Variants in CLMN observed in about 807,000 individuals in gnomAD.
CLMN encodes the protein calmin (calponin-like, transmembrane).
A neutral mutation model predicts 92.7 loss-of-function variants in CLMN; 57 were observed. That is an observed-to-expected ratio of 0.61 (90% CI 0.50 to 0.77). The LOEUF (loss-of-function observed/expected upper bound fraction) is 0.77. CLMN is among the 30% of genes least tolerant of loss of function. The pLI is 0.00. For missense variants in CLMN, 1,158 were observed against 1,237.5 expected, an observed-to-expected ratio of 0.94 and a Z score of 0.96; for synonymous variants, 466 against 470.6, an observed-to-expected ratio of 0.99 and a Z score of 0.13.
Position 95,196,603 on chromosome 14 carries a change from CTT to C in CLMN, c.2601_2602del (p.Arg868GlufsTer22). The C allele has an allele frequency of 6.2e-7, 1 of 1,614,138 alleles. No homozygotes were observed. Among genetic ancestry groups the C allele is most frequent in the Non-Finnish European group, 8.5e-7 (1 of 1,180,008 alleles). On this transcript the variant is annotated frameshift_variant, in exon 10 of 13. Coordinates refer to ENST00000298912, the MANE Select transcript of CLMN (RefSeq NM_024734.4). LOFTEE classifies it high-confidence loss of function. ...ACTTTCTACGTGGTCCACATGTTTC[CTT>C]TTTTCCTTTTTTTTACTACTGATTG...
intron 1 of CLMN, among the ~76,000 whole-genome samples, chr14:95,285,869 C>G (rs1246923483): frequency 6.6e-6 from 1 of 152,146 alleles, no homozygotes; most frequent in Non-Finnish European, 1.5e-5. Context: ...TCAACCACGG[C>G]ACTCTTTCCC....
chr14:95,192,009 T>C (rs867999353), intron 12 of CLMN: 17 of 315,110 alleles, frequency 5.4e-5, no homozygotes, highest in Middle Eastern at 8.8e-4. Context: ...ATGGACACAC[T>C]GAGGCTTTCG....
Position 95,203,077 on chromosome 14 carries a change from C to A in CLMN, c.2272G>T (p.Glu758Ter). 6.2e-7 allele frequency: 1 copy of A among 1,614,038 alleles called. No homozygotes were observed. The highest frequency in any genetic ancestry group is 8.5e-7 in the Non-Finnish European group (1 of 1,180,020). Reference sequence around the variant, plus strand: ...TCTGGCATATAGCCCTCTGGCTCTTCGAGATCCATTTCTTCATTTTTTAGA... The same window carrying A: ...TCTGGCATATAGCCCTCTGGCTCTTAGAGATCCATTTCTTCATTTTTTAGA... ...EDLKNEEMDL[E>*]EPEGYMPDLD... Residue 758 changes from glutamate to a stop codon, truncating the protein, a stop_gained, in exon 9 of 13, where the codon GAA becomes TAA. Transcript: ENST00000298912. LOFTEE classifies it high-confidence loss of function.
At chr14:95,238,559 G>A (rs758715459) in intron 1 of CLMN, among the ~76,000 whole-genome samples, 11 of 152,150 alleles carry the variant, frequency 7.2e-5, no homozygotes, top group Admixed American at 1.3e-4. Context: ...GGGACCATGC[G>A]CCAAGCAGCA....
At chr14:95,295,771 G>A (rs1056620072) in intron 1 of CLMN, among the ~76,000 whole-genome samples, 3 of 152,188 alleles carry the variant, frequency 2.0e-5, no homozygotes, top group African/African-American at 7.2e-5. Context: ...AGTCAAGTTC[G>A]GTCCTACCTC....
chr14:95,307,167 G>A (rs1021644587), intron 1 of CLMN, among the ~76,000 whole-genome samples: 1 of 152,120 alleles, frequency 6.6e-6, no homozygotes, highest in Non-Finnish European at 1.5e-5. Context: ...AGACATGGTC[G>A]GGCTCACAGC....
In CLMN at chr14:95,231,283, GC is replaced by G. The variant is rs939687152; in HGVS notation, c.83-1151del. Among the ~76,000 whole-genome samples, 6 of 145,812 alleles carry G rather than the reference GC, an allele frequency of 4.1e-5. No homozygotes were observed. The Admixed American group carries it at 4.3e-4, about 10-fold the overall frequency. ...GCAATCTCGGCTCACTACAAGCTCC[GC>G]CTCCCGGGTTCATGCCATTCTCCTG... On this transcript the variant is annotated intron_variant, in intron 1 of 12. Coordinates refer to ENST00000298912, the MANE Select transcript of CLMN (RefSeq NM_024734.4).
intron 1 of CLMN, among the ~76,000 whole-genome samples, chr14:95,269,890 C>A (rs1277060998): frequency 6.6e-6 from 1 of 152,102 alleles, no homozygotes; most frequent in Non-Finnish European, 1.5e-5. Context: ...CCCCAATCCA[C>A]AGGCTGGAGG....
At chr14:95,233,307 T>A (rs893822127) in intron 1 of CLMN, among the ~76,000 whole-genome samples, 3 of 152,046 alleles carry the variant, frequency 2.0e-5, no homozygotes, top group African/African-American at 7.3e-5. Flanking sequence ...AACTCATCTA[T>A]CCATCCATCC....
At chr14:95,243,840 A>G (rs1333713975) in intron 1 of CLMN, among the ~76,000 whole-genome samples, 1 of 149,682 alleles carries the variant, frequency 6.7e-6, no homozygotes, top group East Asian at 2.0e-4. Context: ...TATGGTTTGG[A>G]TTTGTGTCCC....
chr14:95,268,794 C>CTTTTTT (rs985091508), intron 1 of CLMN, among the ~76,000 whole-genome samples: 4 of 63,110 alleles, frequency 6.3e-5, no homozygotes, highest in African/African-American at 1.5e-4. Context: ...CTCTCTCTCT[C>CTTTTTT]TTTTTTTTTT....
chr14:95,280,618 T>C (rs1373803302), intron 1 of CLMN, among the ~76,000 whole-genome samples: 2 of 152,216 alleles, frequency 1.3e-5, no homozygotes, highest in Non-Finnish European at 2.9e-5. Context: ...CTAAATTAAG[T>C]CTTTTTCTGA....
rs550924793 is a variant in CLMN, at chr14:95,275,264, A to G, written c.82+44447T>C. Among the ~76,000 whole-genome samples the G allele has an allele frequency of 7.2e-5, 11 of 152,282 alleles. No individual in the cohort carries two copies. In the South Asian group the frequency reaches 2.3e-3, roughly 32 times the overall value. On this transcript the variant is annotated intron_variant, in intron 1 of 12. Coordinates refer to ENST00000298912, the MANE Select transcript of CLMN (RefSeq NM_024734.4). ...GAGGTTAGGCATTCTTAGCCACCGG[A>G]TAAGACAGGAGGCCGGTGCAAGACA...
At chr14:95,265,701 AG>A (rs1899445804) in intron 1 of CLMN, among the ~76,000 whole-genome samples, 1 of 152,250 alleles carries the variant, frequency 6.6e-6, no homozygotes, top group South Asian at 2.1e-4. Context: ...GCAGCTGGCT[AG>A]GATCAGAAGA....
At chr14:95,308,639 C>T (rs958716371) in intron 1 of CLMN, among the ~76,000 whole-genome samples, 3 of 152,176 alleles carry the variant, frequency 2.0e-5, no homozygotes, top group African/African-American at 4.8e-5. Flanking sequence ...CTCTCCCCAG[C>T]CTACCAACCC....
chr14:95,317,475 G>A (rs749819617), intron 1 of CLMN, among the ~76,000 whole-genome samples: 7 of 152,042 alleles, frequency 4.6e-5, no homozygotes, highest in Non-Finnish European at 8.8e-5. Context: ...ACAACCCAAA[G>A]GTCCCTCAAC....
Position 95,294,079 on chromosome 14 carries a change from C to T in CLMN, c.82+25632G>A, listed in dbSNP as rs956837238. ...CTGGAGGGCTTCCCCACTCCCCAGG[C>T]GAACCTCTTCCTACCTACCTCACCC... On this transcript the variant is annotated intron_variant, in intron 1 of 12. Coordinates refer to ENST00000298912, the MANE Select transcript of CLMN (RefSeq NM_024734.4). This position sits in a 1 kb window ranked among gnomAD's most constrained non-coding sequence, Gnocchi z 4.2. Among the ~76,000 whole-genome samples, 9 of 152,156 alleles carry T rather than the reference C, an allele frequency of 5.9e-5. No homozygotes were observed. Among genetic ancestry groups the T allele is most frequent in the Non-Finnish European group, 8.8e-5 (6 of 68,024 alleles).
At chr14:95,299,156 G>A (rs563852161) in intron 1 of CLMN, among the ~76,000 whole-genome samples, 2 of 152,286 alleles carry the variant, frequency 1.3e-5, no homozygotes, top group South Asian at 2.1e-4. Flanking sequence ...GAGAGCCAGC[G>A]GGTAGAGAAA....
rs371458866 is a variant in CLMN at position 95,196,585 on chromosome 14, A to T, written c.2621T>A (p.Val874Glu). Residue 874 changes from valine to glutamate, a missense_variant, in exon 10 of 13, where the codon GTA (valine) becomes GAA (glutamate). Val to Glu is a moderately radical substitution (Grantham distance 121). Transcript: ENST00000298912. ...TGGTGCTACAAATAGTGAACTTTCT[A>T]CGTGGTCCACATGTTTCCTTTTTTC... ...KKEKRKHVDH[V>E]ESSLFVAPGS... 6.2e-7 allele frequency: 1 copy of T among 1,614,090 alleles called. No homozygotes were observed. The highest frequency in any genetic ancestry group is 1.7e-5 in the Admixed American group (1 of 60,002).
Sources: gnomAD v4.1 joint callset for allele counts (sites outside exome capture counted in the v4.1 genomes callset) on GRCh38, gnomAD v4.1.1 for gene constraint, Gnocchi (gnomAD v3.1) non-coding constraint, MANE v1.5 for transcripts, NCBI Gene and HGNC (gene_info 2026-07-23, HGNC 2026-07-21) for gene names.